The following IQSEC1 variants were observed in gnomAD, a reference collection of about 807,000 sequenced individuals.
IQSEC1 encodes IQ motif and SEC7 domain-containing protein 1.
A neutral mutation model predicts 91.0 loss-of-function variants in IQSEC1; 31 were observed. The ratio of observed to expected loss-of-function variants is 0.34; its 90% CI spans 0.26 to 0.46. IQSEC1 has a LOEUF of 0.46. Ranked by LOEUF, IQSEC1 falls within the 20% of genes least tolerant of loss-of-function variation. The pLI is 1.00. For synonymous variants in IQSEC1, 699 were observed against 662.6 expected (o/e 1.05, Z -0.84); for missense variants, 1,388 against 1,575.6 (o/e 0.88, Z 2.02).
intron 1 of IQSEC1, among the ~76,000 whole-genome samples, chr3:13,199,887 CCACA>C (rs1263033318): frequency 6.6e-6 from 1 of 150,812 alleles, no homozygotes; most frequent in South Asian, 2.1e-4. Flanking sequence ...CACACACACA[CCACA>C]CACACACACA....
intron 2 of IQSEC1, among the ~76,000 whole-genome samples, chr3:13,110,197 T>TTG (rs1706220156): frequency 6.6e-6 from 1 of 152,080 alleles, no homozygotes; most frequent in South Asian, 2.1e-4. Flanking sequence ...AAATTCGTTT[T>TTG]TGTTTATGAA....
intron 2 of IQSEC1, among the ~76,000 whole-genome samples, chr3:13,157,216 T>C (rs1360113661): frequency 2.6e-5 from 4 of 152,242 alleles, no homozygotes; most frequent in Non-Finnish European, 4.4e-5. Context: ...TGGGATTTAG[T>C]CTAATTCCCC....
intron 1 of IQSEC1, among the ~76,000 whole-genome samples, chr3:13,198,029 G>A (rs182916054): frequency 1.1e-4 from 17 of 152,322 alleles, no homozygotes; most frequent in Non-Finnish European, 2.1e-4. Flanking sequence ...CCGGGGCAGG[G>A]CTTAGACTCT....
intron 1 of IQSEC1, among the ~76,000 whole-genome samples, chr3:13,054,096 G>T (rs1195017502): frequency 6.6e-6 from 1 of 152,232 alleles, no homozygotes. Flanking sequence ...AGCTGGTGGA[G>T]CCTGGCAGGC....
Position 12,897,761 on chromosome 3 carries a change from T to G in IQSEC1, c.*3222A>C, listed in dbSNP as rs1473195862. 6.6e-6 allele frequency: 1 copy of G among 152,222 alleles called. No homozygotes were observed. The highest frequency in any genetic ancestry group is 1.5e-5 in the Non-Finnish European group (1 of 68,060). 9.4% of individuals were successfully genotyped at this position (152,222 alleles called of 1,614,324 possible). ...CTGAGTCAACACCCAGCATCAGCTGTGAACATCTGCTGTCTTTTCAGCTCA... is the reference window on the plus strand; with the variant it reads ...CTGAGTCAACACCCAGCATCAGCTGGGAACATCTGCTGTCTTTTCAGCTCA... On this transcript the variant is annotated 3_prime_UTR_variant, in exon 14 of 14. Coordinates refer to ENST00000613206, the MANE Select transcript of IQSEC1 (RefSeq NM_001134382.3).
At chr3:13,187,724 G>A (rs1290529595) in intron 1 of IQSEC1, among the ~76,000 whole-genome samples, 1 of 152,158 alleles carries the variant, frequency 6.6e-6, no homozygotes, top group Non-Finnish European at 1.5e-5. Flanking sequence ...CCAGGGACTG[G>A]GTAGCTTATA....
rs540845840 is a variant in IQSEC1, at chr3:13,091,564, G to T, written c.303-44042C>A. 8.5e-5 allele frequency among the ~76,000 whole-genome samples: 13 copies of T among 152,262 alleles called. No individual in the cohort carries two copies. In the East Asian group the frequency reaches 2.1e-3, roughly 25 times the overall value. On this transcript the variant is annotated intron_variant, in intron 2 of 15. Transcript: ENST00000648114. ...CTCCCTGAGCACAGCCCTCCTTTGT[G>T]ACTACTGCAGGAGCAGGGGCTGGGG...
At chr3:13,221,648 C>T (rs1021604286) in intron 1 of IQSEC1, among the ~76,000 whole-genome samples, 2 of 152,252 alleles carry the variant, frequency 1.3e-5, no homozygotes, top group Admixed American at 1.3e-4. Flanking sequence ...CGCCTGGAGC[C>T]CACGGCGGCT....
chr3:12,952,281 C>T (rs889504864), intron 1 of IQSEC1, among the ~76,000 whole-genome samples: 3 of 152,178 alleles, frequency 2.0e-5, no homozygotes, highest in African/African-American at 7.2e-5. Flanking sequence ...GAGCTTCCTA[C>T]ACCAGGCCAG....
At chr3:12,993,897 G>A (rs992251924) in intron 1 of IQSEC1, among the ~76,000 whole-genome samples, 11 of 152,182 alleles carry the variant, frequency 7.2e-5, no homozygotes, top group African/African-American at 2.6e-4. Context: ...AGCCCGCCGC[G>A]ATCCCCGCGC....
chr3:13,080,867 C>T (rs767132864), intron 2 of IQSEC1, among the ~76,000 whole-genome samples: 8 of 152,156 alleles, frequency 5.3e-5, no homozygotes, highest in African/African-American at 9.7e-5. Flanking sequence ...AATACAAGAA[C>T]AACATTCTTA....
chr3:13,196,753 T>A (rs995446788), intron 1 of IQSEC1, among the ~76,000 whole-genome samples: 3 of 28,084 alleles, frequency 1.1e-4, no homozygotes, highest in African/African-American at 1.0e-3. Flanking sequence ...TGTGTGCGTG[T>A]GTGTGTGTGT....
intron 1 of IQSEC1, among the ~76,000 whole-genome samples, chr3:12,960,092 C>T (rs764405932): frequency 1.3e-5 from 2 of 152,296 alleles, no homozygotes; most frequent in East Asian, 1.9e-4. Context: ...ATGGAAATAG[C>T]GGCACTGCAA....
At chr3:13,086,117 A>G (rs1343439798) in intron 2 of IQSEC1, among the ~76,000 whole-genome samples, 2 of 152,204 alleles carry the variant, frequency 1.3e-5, no homozygotes, top group Non-Finnish European at 2.9e-5. Context: ...CACAGCAGGC[A>G]TGGATGCTGC....
chr3:13,261,409 C>A (rs1359624760), intron 1 of IQSEC1, among the ~76,000 whole-genome samples: 1 of 152,178 alleles, frequency 6.6e-6, no homozygotes, highest in Non-Finnish European at 1.5e-5. Flanking sequence ...CCACGCCATG[C>A]CCCTCGATGC....
At chr3:13,260,721 C>A in intron 1 of IQSEC1, among the ~76,000 whole-genome samples, 1 of 152,210 alleles carries the variant, frequency 6.6e-6, no homozygotes, top group East Asian at 1.9e-4. Context: ...GGCCAAGAAG[C>A]TGACCTTGGT....
At chr3:13,124,010 G>A (rs566187834) in intron 2 of IQSEC1, among the ~76,000 whole-genome samples, 7 of 152,354 alleles carry the variant, frequency 4.6e-5, no homozygotes, top group Admixed American at 2.0e-4. Flanking sequence ...GAGAACAACA[G>A]CGGCCAAGGG....
chr3:12,902,839 A>G lies in IQSEC1; in HGVS notation c.2756-17T>C. 1 of 1,606,810 alleles carries G rather than the reference A, an allele frequency of 6.2e-7. No homozygotes were observed. The highest frequency in any genetic ancestry group is 8.5e-7 in the Non-Finnish European group (1 of 1,173,442). On this transcript the variant is annotated splice_polypyrimidine_tract_variant and intron_variant, in intron 12 of 13. Coordinates refer to ENST00000613206, the MANE Select transcript of IQSEC1 (RefSeq NM_001134382.3). ...CTCGCTTCCCTGCCCAGAACATGCA[A>G]TACCAGAAGTTAGACGCGGACATGA...
chr3:13,050,755 G>C (rs1396562485), intron 1 of IQSEC1, among the ~76,000 whole-genome samples: 1 of 152,180 alleles, frequency 6.6e-6, no homozygotes, highest in Non-Finnish European at 1.5e-5. Flanking sequence ...ACAGTGCCAA[G>C]AACAGAGTCG....
Sources: allele counts gnomAD v4.1 joint callset (sites outside exome capture counted in the v4.1 genomes callset), GRCh38; gene constraint gnomAD v4.1.1; transcripts MANE v1.5; gene names NCBI Gene and HGNC (gene_info 2026-07-23, HGNC 2026-07-21).